The following JAM3 variants were observed in gnomAD, a reference collection of about 807,000 sequenced individuals.
JAM3 encodes junctional adhesion molecule 3.
JAM3 carries 31 observed loss-of-function variants against 39.4 expected under a neutral mutation model. The ratio of observed to expected loss-of-function variants is 0.79; its 90% CI spans 0.59 to 1.06. The LOEUF is 1.06. JAM3 is among the 50% of genes least tolerant of loss of function. The pLI is 0.00. For synonymous variants in JAM3, 182 were observed against 148.7 expected (o/e 1.22, Z -1.63); for missense variants, 455 against 391.4 (o/e 1.16, Z -1.37).
intron 1 of JAM3, chr11:134,123,938 T>G (rs1942588184): frequency 7.0e-7 from 1 of 1,437,220 alleles, no homozygotes; most frequent in Non-Finnish European, 9.8e-7. Context: ...TTTTTTGTGT[T>G]ATAAACTGAA....
At chr11:134,075,824 A>G (rs1235045411) in intron 1 of JAM3, among the ~76,000 whole-genome samples, 1 of 152,182 alleles carries the variant, frequency 6.6e-6, no homozygotes, top group Non-Finnish European at 1.5e-5. Flanking sequence ...ATCCATTCAA[A>G]TATCACCTAG....
At chr11:134,122,560 G>T (rs1489006164) in intron 1 of JAM3, among the ~76,000 whole-genome samples, 1 of 152,100 alleles carries the variant, frequency 6.6e-6, no homozygotes, top group African/African-American at 2.4e-5. Context: ...GTTGCCCAAC[G>T]TTGCTTTTCT....
At chr11:134,116,724 G>A (rs1228831498) in intron 1 of JAM3, among the ~76,000 whole-genome samples, 1 of 151,808 alleles carries the variant, frequency 6.6e-6, no homozygotes, top group East Asian at 1.9e-4. Context: ...TGGTTATCAG[G>A]TGTCACTGCT....
At chr11:134,103,951 C>T (rs111540655) in intron 1 of JAM3, among the ~76,000 whole-genome samples, 6 of 152,056 alleles carry the variant, frequency 3.9e-5, no homozygotes, top group South Asian at 2.1e-4. Context: ...GACAGATCAA[C>T]GAGACAAAGT....
intron 1 of JAM3, among the ~76,000 whole-genome samples, chr11:134,133,475 C>T (rs1023396626): frequency 2.0e-5 from 3 of 152,052 alleles, no homozygotes; most frequent in African/African-American, 2.4e-5. Flanking sequence ...CTTTCTATTC[C>T]TAGTTTACTG....
rs374263584 is a variant in JAM3, at chr11:134,090,547, ATAGG to A, written c.76+21393_76+21396del. On this transcript the variant is annotated intron_variant, in intron 1 of 8. Transcript: ENST00000299106. ...TAGTTGTCAGAAAATAAACTGAATG[ATAGG>A]TAGGAAAGCTTCAAACTATTAAGTA... Among the ~76,000 whole-genome samples the A allele has an allele frequency of 1.1e-3, 171 of 152,302 alleles. 1 individual carries two copies. The East Asian group carries it at 0.029, about 26-fold the overall frequency.
chr11:134,092,025 A>G (rs979771158), intron 1 of JAM3, among the ~76,000 whole-genome samples: 1 of 152,174 alleles, frequency 6.6e-6, no homozygotes, highest in Admixed American at 6.5e-5. Context: ...TACTCTAAAT[A>G]TAATTAAGTA....
rs1943142283 is a variant in JAM3 at position 134,149,147 on chromosome 11, G to A, written c.899G>A (p.Gly300Asp). 1 of 1,614,022 alleles carries A rather than the reference G, an allele frequency of 6.2e-7. No homozygotes were observed. The highest frequency in any genetic ancestry group is 1.1e-5 in the South Asian group (1 of 91,078). ...TCTAACTGTGTGTTGGCTTTGCAGGGCGACTTCAGACACAAGTCATCGTTT... is the reference window on the plus strand; with the variant it reads ...TCTAACTGTGTGTTGGCTTTGCAGGACGACTTCAGACACAAGTCATCGTTT... ...GVNYIRTDEEGDFRHKSSFVI is the reference protein window; with the variant it reads ...GVNYIRTDEEDDFRHKSSFVI Residue 300 changes from glycine (G) to aspartate (D), a missense_variant and splice_region_variant, in exon 9 of 9, where the codon GGC becomes GAC. Transcript: ENST00000299106.
rs1565508490 is a variant in JAM3, at chr11:134,149,576, T to C, written c.*395T>C. The C allele has an allele frequency of 4.2e-6, 2 of 474,568 alleles. No individual in the cohort carries two copies. Among genetic ancestry groups the C allele is most frequent in the Admixed American group, 2.3e-5 (1 of 43,016 alleles). 29.4% of individuals were successfully genotyped at this position (474,568 alleles called of 1,614,324 possible). A position where few individuals can be genotyped will look rare whatever the true frequency, so the allele number is the denominator to read the frequency against. On this transcript the variant is annotated 3_prime_UTR_variant, in exon 9 of 9. Transcript: ENST00000299106. ...GCAGCCACGACAGCACCATGTGAGA[T>C]GGCGAGGTGGCTGGACAGCACCAGC...
chr11:134,131,213 G>A (rs555554554), intron 1 of JAM3, among the ~76,000 whole-genome samples: 2 of 117,942 alleles, frequency 1.7e-5, no homozygotes, highest in African/African-American at 3.3e-5. Context: ...AGACTCAGAC[G>A]GCTATAATAT....
intron 1 of JAM3, among the ~76,000 whole-genome samples, chr11:134,110,290 G>A (rs1181448199): frequency 6.6e-6 from 1 of 152,152 alleles, no homozygotes; most frequent in Admixed American, 6.5e-5. Context: ...ATTTGATTCA[G>A]TTATTATACT....
chr11:134,102,101 A>G (rs1471205505), intron 1 of JAM3, among the ~76,000 whole-genome samples: 1 of 152,208 alleles, frequency 6.6e-6, no homozygotes, highest in African/African-American at 2.4e-5. Flanking sequence ...CTTACGAAGT[A>G]GGCACTAATT....
intron 1 of JAM3, among the ~76,000 whole-genome samples, chr11:134,132,185 G>T (rs1245095415): frequency 6.6e-6 from 1 of 152,168 alleles, no homozygotes; most frequent in South Asian, 2.1e-4. Context: ...CCAGAGAGAG[G>T]TGACTCAGCA....
At chr11:134,123,701 G>A (rs1284541127) in intron 1 of JAM3, 1 of 492,924 alleles carries the variant, frequency 2.0e-6, no homozygotes, top group African/African-American at 1.9e-5. Flanking sequence ...GAGGAGAGTG[G>A]TTGAGGAGTA....
intron 1 of JAM3, among the ~76,000 whole-genome samples, chr11:134,133,353 G>A (rs991656533): frequency 1.3e-5 from 2 of 152,148 alleles, no homozygotes; most frequent in South Asian, 2.1e-4. Context: ...GTGAAAGTGG[G>A]CATCGTTGTC....
intron 1 of JAM3, chr11:134,124,302 A>G (rs1287282372): frequency 5.9e-6 from 5 of 842,622 alleles, no homozygotes; most frequent in Admixed American, 1.7e-5. Flanking sequence ...CTCACAGGAA[A>G]TCTCCACAGG....
intron 6 of JAM3, among the ~76,000 whole-genome samples, chr11:134,146,938 C>T (rs1405561625): frequency 6.6e-6 from 1 of 152,204 alleles, no homozygotes; most frequent in Non-Finnish European, 1.5e-5. Flanking sequence ...CCAAAACTGC[C>T]TGGTGATACC....
At chr11:134,140,540 C>G (rs908764637) in intron 2 of JAM3, 117 bp from the exon 3 acceptor site, 6 of 822,474 alleles carry the variant, frequency 7.3e-6, no homozygotes, top group African/African-American at 5.1e-5. Context: ...GTGGAGTTGG[C>G]TACGTTTTTA....
intron 1 of JAM3, among the ~76,000 whole-genome samples, chr11:134,099,805 C>G (rs1272053810): frequency 6.6e-6 from 1 of 152,068 alleles, no homozygotes. Flanking sequence ...CGGGGTTTCA[C>G]CATGTTGGTC....
Sources: allele counts gnomAD v4.1 joint callset (sites outside exome capture counted in the v4.1 genomes callset), GRCh38; gene constraint gnomAD v4.1.1; transcripts MANE v1.5; gene names NCBI Gene and HGNC (gene_info 2026-07-23, HGNC 2026-07-21).